The following LETM1 variants were observed in gnomAD, a reference collection of about 807,000 sequenced individuals.
LETM1 encodes leucine zipper and EF-hand containing transmembrane protein 1.
LETM1 carries 50 observed loss-of-function variants against 74.5 expected under a neutral mutation model. That is an observed-to-expected ratio of 0.67 (90% CI 0.53 to 0.85). LETM1 has a LOEUF of 0.85. LETM1 is among the 40% of genes least tolerant of loss of function. The pLI is 0.00. For missense variants in LETM1, 824 were observed against 967.8 expected, an observed-to-expected ratio of 0.85 and a Z score of 1.97; for synonymous variants, 446 against 407.1, an observed-to-expected ratio of 1.10 and a Z score of -1.15.
intron 3 of LETM1, among the ~76,000 whole-genome samples, chr4:1,840,244 G>C (rs1278116395): frequency 6.6e-6 from 1 of 152,140 alleles, no homozygotes; most frequent in African/African-American, 2.4e-5. Flanking sequence ...GGGTGTGATG[G>C]TATATGCCTG....
chr4:1,852,880 C>T (rs1036394839), intron 1 of LETM1, among the ~76,000 whole-genome samples: 1 of 152,196 alleles, frequency 6.6e-6, no homozygotes, highest in Admixed American at 6.5e-5. Flanking sequence ...ACACTCCCAT[C>T]ATTCAGGAAA....
In LETM1 at chr4:1,855,895, G is replaced by T; in HGVS notation, c.56C>A (p.Pro19Gln). Reference protein sequence around the residue: ...CRGRAPARLPPPPRYTVPRGS... With the variant: ...CRGRAPARLPQPPRYTVPRGS... ...CCGCGGGACGGTGTACCGAGGCGGC[G>T]GCGGGAGGCGGGCGGGCGCCCGGCC... Residue 19 changes from proline (P) to glutamine (Q), a missense_variant, in exon 1 of 14, where the codon CCG (proline) becomes CAG (glutamine). This residue lies in a region of LETM1 where 222 missense variants were observed against 195.6 expected (regional missense o/e 1.14). Coordinates refer to ENST00000302787, the MANE Select transcript of LETM1 (RefSeq NM_012318.3). 8.1e-7 allele frequency: 1 copy of T among 1,239,492 alleles called. No individual in the cohort carries two copies. Among genetic ancestry groups the T allele is most frequent in the South Asian group, 3.4e-5 (1 of 29,550 alleles). The allele number at this position is 1,239,492 out of a possible 1,614,324, so 76.8% of individuals were successfully genotyped here.
chr4:1,830,785 T>C (rs1275644393), intron 6 of LETM1, among the ~76,000 whole-genome samples: 1 of 152,198 alleles, frequency 6.6e-6, no homozygotes. Context: ...GGTCTCTAAC[T>C]GTCATCTCAG....
intron 6 of LETM1, among the ~76,000 whole-genome samples, chr4:1,829,323 C>T (rs1469357261): frequency 2.7e-5 from 4 of 148,194 alleles, no homozygotes; most frequent in African/African-American, 5.1e-5. Flanking sequence ...ACCTCCCAGA[C>T]GGGGCGGCTG....
At position 1,852,724 on chromosome 4, in the gene LETM1, A is replaced by G. The variant is rs140536829; in HGVS notation, c.82+3145T>C. The stretch of plus-strand genomic sequence containing the variant: ...TTGAGCTCAGGAGTTAAGCCTGAGC[A>G]ACAGAGACCCTGTCTACAAAAATGT... On this transcript the variant is annotated intron_variant, in intron 1 of 13. Coordinates refer to ENST00000302787, the MANE Select transcript of LETM1 (RefSeq NM_012318.3). Among the ~76,000 whole-genome samples the G allele has an allele frequency of 9.4e-3, 1,429 of 152,304 alleles. 25 individuals carry two copies. Among genetic ancestry groups the G allele is most frequent in the African/African-American group, 0.032 (1,346 of 41,572 alleles).
At chr4:1,837,311 G>C (rs73799012) in intron 3 of LETM1, among the ~76,000 whole-genome samples, 1 of 152,020 alleles carries the variant, frequency 6.6e-6, no homozygotes, top group Non-Finnish European at 1.5e-5. Context: ...CCTCTCTCCC[G>C]ACCCCGCGCT....
At position 1,822,975 on chromosome 4, in the gene LETM1, G is replaced by C. The variant is rs1249898741; in HGVS notation, c.1476+13C>G. The C allele has an allele frequency of 6.5e-7, 1 of 1,541,846 alleles. No individual in the cohort carries two copies. On this transcript the variant is annotated intron_variant, in intron 9 of 13. Transcript: ENST00000302787. ...GACAGCCCCACGCGGCACGGAGCAG[G>C]ACCACCGCTTACCGCCACCTCCGAG...
At chr4:1,816,695 G>T (rs752515277) in intron 12 of LETM1, 32 bp downstream of exon 12, 28 of 1,600,636 alleles carry the variant, frequency 1.7e-5, no homozygotes, top group Non-Finnish European at 2.4e-5. Flanking sequence ...GTGAGTCTCC[G>T]ATCCCTCTCC....
intron 11 of LETM1, among the ~76,000 whole-genome samples, chr4:1,817,934 C>G (rs778753943): frequency 6.6e-6 from 1 of 152,172 alleles, no homozygotes; most frequent in African/African-American, 2.4e-5. Context: ...CACACAACAT[C>G]ATGCCTGGCT....
At chr4:1,845,086 A>G (rs533342646) in intron 2 of LETM1, among the ~76,000 whole-genome samples, 111 of 151,738 alleles carry the variant, frequency 7.3e-4, no homozygotes, top group African/African-American at 2.6e-3. Flanking sequence ...GCTACTCGGG[A>G]GGCTGAGGCA....
Position 1,836,580 on chromosome 4 carries a change from G to T in LETM1, c.595-8C>A. 1 of 1,613,592 alleles carries T rather than the reference G, an allele frequency of 6.2e-7. No homozygotes were observed. The highest frequency in any genetic ancestry group is 8.5e-7 in the Non-Finnish European group (1 of 1,179,900). ...AGCGCAGATCCGGAGAAACTGGAAG[G>T]GGCGGAATCCATCAGAGGGGAGCAG... On this transcript the variant is annotated splice_polypyrimidine_tract_variant and splice_region_variant and intron_variant, in intron 3 of 13. Coordinates refer to ENST00000302787, the MANE Select transcript of LETM1 (RefSeq NM_012318.3). This position sits in a 1 kb window ranked among gnomAD's most constrained non-coding sequence, Gnocchi z 5.8.
At chr4:1,851,518 G>A (rs570333708) in intron 1 of LETM1, among the ~76,000 whole-genome samples, 3 of 152,202 alleles carry the variant, frequency 2.0e-5, no homozygotes, top group Admixed American at 6.5e-5. Context: ...TTTAGGGCTT[G>A]TAACAGTCCG....
rs940269180 is a variant in LETM1 at position 1,834,635 on chromosome 4, G to A, written c.876+210C>T. On this transcript the variant is annotated intron_variant, in intron 5 of 13. Coordinates refer to ENST00000302787, the MANE Select transcript of LETM1 (RefSeq NM_012318.3). The surrounding 1 kb of genome is among the most constrained non-coding windows in gnomAD (Gnocchi z 5.0). The stretch of plus-strand genomic sequence containing the variant: ...GACGCCCATAATTCTGAAGGCTGAC[G>A]AGGCGCAGCCACCACAGCTTAACTC... 88 of 1,393,424 alleles carry A rather than the reference G, an allele frequency of 6.3e-5. No homozygotes were observed. Among genetic ancestry groups the A allele is most frequent in the East Asian group, 1.1e-4 (4 of 36,774 alleles). 86.3% of individuals were successfully genotyped at this position (1,393,424 alleles called of 1,614,324 possible).
At chr4:1,833,140 C>T (rs1317421754) in intron 5 of LETM1, 193 bp from the exon 6 acceptor site, 12 of 580,354 alleles carry the variant, frequency 2.1e-5, no homozygotes, top group East Asian at 5.9e-5. Context: ...GGTGTAATCT[C>T]GGTTCACTGC....
chr4:1,832,907 A>C lies in LETM1; in HGVS notation c.917T>G (p.Met306Arg). The change falls in exon 6 of 14, where the codon ATG becomes AGG. Residue 306 changes from methionine to arginine, a missense_variant. Physicochemically the swap from Met to Arg is moderately conservative, Grantham distance 91. Around this residue, in one of 4 missense-constraint regions of LETM1, gnomAD observed 269 missense variants for 348.8 expected, o/e 0.77. Coordinates refer to ENST00000302787, the MANE Select transcript of LETM1 (RefSeq NM_012318.3). ...ATCCTCAAATAATTTGGAAAAACGCATGATTTCCTCATTGCTGGGCCTCTC... is the reference window on the plus strand; with the variant it reads ...ATCCTCAAATAATTTGGAAAAACGCCTGATTTCCTCATTGCTGGGCCTCTC... ...TGERPSNEEI[M>R]RFSKLFEDEL... The C allele has an allele frequency of 6.2e-7, 1 of 1,612,832 alleles. No individual in the cohort carries two copies. Among genetic ancestry groups the C allele is most frequent in the South Asian group, 1.1e-5 (1 of 91,018 alleles).
chr4:1,841,430 G>C lies in LETM1; in HGVS notation c.511C>G (p.Leu171Val). ...GCCGCGATCTTGGTGTCGATCCATAGCAGGCGGAAGCCATGGTAGTAGTGC... is the reference window on the plus strand; with the variant it reads ...GCCGCGATCTTGGTGTCGATCCATACCAGGCGGAAGCCATGGTAGTAGTGC... ...LKHYYHGFRL[L>V]WIDTKIAARM... The change falls in exon 3 of 14, where the codon CTA becomes GTA. Residue 171 changes from leucine to valine, a missense_variant. By Grantham distance (32) the Leu-to-Val change is conservative. Around this residue, in one of 4 missense-constraint regions of LETM1, gnomAD observed 269 missense variants for 348.8 expected, o/e 0.77. Transcript: ENST00000302787. The C allele has an allele frequency of 6.2e-7, 1 of 1,614,234 alleles. No individual in the cohort carries two copies. Among genetic ancestry groups the C allele is most frequent in the Non-Finnish European group, 8.5e-7 (1 of 1,180,054 alleles).
chr4:1,831,447 C>T (rs554789883), intron 6 of LETM1, among the ~76,000 whole-genome samples: 2 of 152,362 alleles, frequency 1.3e-5, no homozygotes, highest in East Asian at 1.9e-4. Flanking sequence ...CTGGCTCCCA[C>T]TGGCACCATG....
At chr4:1,842,976 C>A in intron 2 of LETM1, 2 of 327,314 alleles carry the variant, frequency 6.1e-6, no homozygotes, top group South Asian at 2.4e-5. Flanking sequence ...GCTGATTGGA[C>A]ACAAATCCCC....
intron 1 of LETM1, among the ~76,000 whole-genome samples, chr4:1,854,095 G>A (rs903859398): frequency 3.9e-5 from 6 of 152,304 alleles, no homozygotes; most frequent in South Asian, 4.1e-4. Flanking sequence ...AAGACCACAT[G>A]CTGAGCTCCA....
Sources: allele counts gnomAD v4.1 joint callset (sites outside exome capture counted in the v4.1 genomes callset), GRCh38; gene constraint gnomAD v4.1.1; regional missense constraint gnomAD v4.1.1; non-coding constraint Gnocchi (gnomAD v3.1); transcripts MANE v1.5; gene names NCBI Gene and HGNC (gene_info 2026-07-23, HGNC 2026-07-21).